The following COL26A1 variants were observed in gnomAD, a reference collection of about 807,000 sequenced individuals.
The protein encoded by COL26A1 is collagen alpha-1(XXVI) chain.
A neutral mutation model predicts 59.3 loss-of-function variants in COL26A1; 41 were observed. The observed-to-expected ratio is 0.69, with a 90% CI of 0.54 to 0.90. COL26A1 has a LOEUF of 0.90. COL26A1 is among the 40% of genes least tolerant of loss of function. The probability of loss-of-function intolerance (pLI) is 0.00; values close to 1 mark genes in which losing one functional copy is unlikely to be tolerated. For synonymous variants in COL26A1, 266 were observed against 256.0 expected, an observed-to-expected ratio of 1.04 and a Z score of -0.37; for missense variants, 612 against 602.3, an observed-to-expected ratio of 1.02 and a Z score of -0.17.
intron 2 of COL26A1, among the ~76,000 whole-genome samples, chr7:101,424,484 G>C (rs1422306166): frequency 1.3e-5 from 2 of 151,902 alleles, no homozygotes; most frequent in Non-Finnish European, 2.9e-5. Context: ...TGTAATCCCA[G>C]CTACTCAGGA....
intron 3 of COL26A1, among the ~76,000 whole-genome samples, chr7:101,459,891 G>C (rs956200662): frequency 5.3e-5 from 8 of 152,188 alleles, no homozygotes; most frequent in African/African-American, 1.9e-4. Context: ...TGAGTCCAAG[G>C]CGATGCTAAC....
intron 2 of COL26A1, among the ~76,000 whole-genome samples, chr7:101,433,715 G>A (rs1321550529): frequency 6.6e-6 from 1 of 152,114 alleles, no homozygotes; most frequent in East Asian, 1.9e-4. Flanking sequence ...GCCGAGCAGG[G>A]TGGCTCGGAG....
rs1329725182 is a variant in COL26A1, at chr7:101,456,410, C to CA, written c.385+8624dup. 3.9e-5 allele frequency among the ~76,000 whole-genome samples: 6 copies of CA among 151,972 alleles called. No homozygotes were observed. In the East Asian group the frequency reaches 1.2e-3, roughly 30 times the overall value. ...AAAATTCTGTCTGGGCGCGGTGTCT[C>CA]ACGCCTGTAATCCCAGCACTTTGGG... On this transcript the variant is annotated intron_variant, in intron 3 of 12. Transcript: ENST00000313669.
intron 7 of COL26A1, among the ~76,000 whole-genome samples, chr7:101,545,919 C>T (rs1284728605): frequency 6.6e-6 from 1 of 152,238 alleles, no homozygotes; most frequent in Non-Finnish European, 1.5e-5. Flanking sequence ...TGTTCCTCAC[C>T]CGCCCTCACT....
intron 2 of COL26A1, among the ~76,000 whole-genome samples, chr7:101,439,437 C>A (rs1299450936): frequency 6.6e-6 from 1 of 151,044 alleles, no homozygotes; most frequent in Admixed American, 6.6e-5. Context: ...ACCTGTAATC[C>A]CAGCTACTCG....
intron 1 of COL26A1, among the ~76,000 whole-genome samples, chr7:101,373,030 T>A (rs1407320276): frequency 2.0e-5 from 3 of 152,094 alleles, no homozygotes; most frequent in Non-Finnish European, 4.4e-5. Context: ...ACTGAGCTTT[T>A]GGAGTCTGGA....
intron 1 of COL26A1, among the ~76,000 whole-genome samples, chr7:101,394,983 G>A (rs550377443): frequency 2.1e-4 from 30 of 143,918 alleles, no homozygotes; most frequent in East Asian, 1.9e-3. Context: ...AGTGATTCTC[G>A]TGCCCCAGCC....
chr7:101,392,475 C>T lies in COL26A1; in HGVS notation c.159-27502C>T, dbSNP rs191282144. Among the ~76,000 whole-genome samples the T allele has an allele frequency of 2.7e-5, 4 of 146,382 alleles. No homozygotes were observed. In the East Asian group the frequency reaches 8.2e-4, roughly 30 times the overall value. On this transcript the variant is annotated intron_variant, in intron 1 of 12. Transcript: ENST00000313669. ...GGACTGTAGTGGTGCCATCTCAGCT[C>T]ACTGCAACCTCCGCCTCCCGGGTTC...
intron 3 of COL26A1, among the ~76,000 whole-genome samples, chr7:101,464,184 T>G (rs1436642135): frequency 6.6e-6 from 1 of 152,080 alleles, no homozygotes; most frequent in East Asian, 1.9e-4. Context: ...CAGGCTGGTA[T>G]GGAACTCCTG....
chr7:101,557,276 A>C, intron 12 of COL26A1, 94 bp from the exon 13 acceptor site: 4 of 1,320,788 alleles, frequency 3.0e-6, no homozygotes, highest in Non-Finnish European at 4.1e-6. Flanking sequence ...ACGCTGGGCA[A>C]GAGCATCTCT....
chr7:101,400,650 C>T (rs1015096657), intron 1 of COL26A1, among the ~76,000 whole-genome samples: 1 of 152,096 alleles, frequency 6.6e-6, no homozygotes, highest in Non-Finnish European at 1.5e-5. Context: ...CCTCTGCCTC[C>T]CAGGTTCAAA....
At chr7:101,476,708 C>T (rs770491875) in intron 3 of COL26A1, among the ~76,000 whole-genome samples, 18 of 151,764 alleles carry the variant, frequency 1.2e-4, no homozygotes, top group African/African-American at 1.9e-4. Context: ...CCACCACACC[C>T]GGCTAATTTT....
At chr7:101,494,993 C>T (rs1181678993) in intron 3 of COL26A1, among the ~76,000 whole-genome samples, 1 of 152,210 alleles carries the variant, frequency 6.6e-6, no homozygotes, top group Non-Finnish European at 1.5e-5. Context: ...CCAAACCCTC[C>T]CCCTGGCGAA....
chr7:101,508,695 C>A (rs1048530214), intron 3 of COL26A1, among the ~76,000 whole-genome samples: 2 of 151,824 alleles, frequency 1.3e-5, no homozygotes, highest in African/African-American at 2.4e-5. Context: ...ACTCACGAAA[C>A]CTGACCGTAA....
chr7:101,517,235 A>G (rs1423253160), intron 3 of COL26A1, among the ~76,000 whole-genome samples: 1 of 152,146 alleles, frequency 6.6e-6, no homozygotes, highest in African/African-American at 2.4e-5. Flanking sequence ...TTCCCCAGAG[A>G]TGTGGATGGA....
At chr7:101,431,421 A>G (rs1792776198) in intron 2 of COL26A1, among the ~76,000 whole-genome samples, 1 of 151,566 alleles carries the variant, frequency 6.6e-6, no homozygotes, top group Admixed American at 6.6e-5. Context: ...CACCATGCCC[A>G]GCTAAGTTTT....
intron 1 of COL26A1, among the ~76,000 whole-genome samples, chr7:101,374,919 G>C (rs927589542): frequency 6.6e-6 from 1 of 152,028 alleles, no homozygotes; most frequent in African/African-American, 2.4e-5. Context: ...GAATTAGCCA[G>C]GTGTGTTGGC....
At chr7:101,490,315 G>A (rs1056782955) in intron 3 of COL26A1, among the ~76,000 whole-genome samples, 2 of 151,990 alleles carry the variant, frequency 1.3e-5, no homozygotes, top group Non-Finnish European at 2.9e-5. Flanking sequence ...GAGCTCAAGC[G>A]ATCCTACCAC....
At chr7:101,418,038 T>A (rs978790114) in intron 1 of COL26A1, among the ~76,000 whole-genome samples, 1 of 152,086 alleles carries the variant, frequency 6.6e-6, no homozygotes, top group Non-Finnish European at 1.5e-5. Context: ...TATATATACT[T>A]TTTGTAGAGA....
Sources: allele counts gnomAD v4.1 joint callset (sites outside exome capture counted in the v4.1 genomes callset), GRCh38; gene constraint gnomAD v4.1.1; transcripts MANE v1.5; gene names NCBI Gene and HGNC (gene_info 2026-07-23, HGNC 2026-07-21).